The following E2F1 variants were observed in gnomAD, a reference collection of about 807,000 sequenced individuals.
The protein encoded by E2F1 is transcription factor E2F1.
A neutral mutation model predicts 36.9 loss-of-function variants in E2F1; 7 were observed. The observed-to-expected ratio is 0.19, with a 90% confidence interval of 0.11 to 0.36. E2F1 has a LOEUF of 0.36. Among genes scored for constraint, E2F1 ranks in the 10% least tolerant of loss-of-function variants. E2F1 has a pLI of 1.00. For missense variants in E2F1, 406 were observed against 573.6 expected, an observed-to-expected ratio of 0.71 and a Z score of 2.99; for synonymous variants, 261 against 263.1, an observed-to-expected ratio of 0.99 and a Z score of 0.08.
At chr20:33,681,188 C>A (rs1173417332) in intron 1 of E2F1, among the ~76,000 whole-genome samples, 5 of 152,040 alleles carry the variant, frequency 3.3e-5, no homozygotes, top group Non-Finnish European at 2.9e-5. Flanking sequence ...ACAGGCGCAT[C>A]CCTCCAAGAC....
At chr20:33,680,184 A>G in intron 2 of E2F1, 142 bp downstream of exon 2, 1 of 980,626 alleles carries the variant, frequency 1.0e-6, no homozygotes, top group Non-Finnish European at 1.5e-6. Flanking sequence ...CCAGGTGGCC[A>G]CTCCAACTGC....
intron 1 of E2F1, among the ~76,000 whole-genome samples, chr20:33,684,667 A>G (rs895890473): frequency 1.3e-5 from 2 of 152,248 alleles, no homozygotes; most frequent in African/African-American, 4.8e-5. Context: ...AGCCTGGCAC[A>G]CAAGACATCC....
rs1411810755 is a variant in E2F1 at position 33,678,261 on chromosome 20, T to C, written c.665A>G (p.His222Arg). The change falls in exon 4 of 7, where the codon CAC (histidine) becomes CGC (arginine). Residue 222 changes from histidine to arginine, a missense_variant. Around this residue, in one of 5 missense-constraint regions of E2F1, gnomAD observed 93 missense variants for 143.3 expected, o/e 0.65. Transcript: ENST00000343380. ...CTGCGTAGTACAGATATTCATCAGG[T>C]GGTCCAGCTGCTGCTCGCTCTCCTG... ...QLQESEQQLD[H>R]LMNICTTQLR... 6.2e-7 allele frequency: 1 copy of C among 1,613,588 alleles called. No homozygotes were observed. Among genetic ancestry groups the C allele is most frequent in the African/African-American group, 1.3e-5 (1 of 75,046 alleles).
At chr20:33,682,446 G>C (rs189974978) in intron 1 of E2F1, among the ~76,000 whole-genome samples, 169 of 152,284 alleles carry the variant, frequency 1.1e-3, no homozygotes, top group African/African-American at 4.0e-3. Flanking sequence ...GGCTGGTACA[G>C]AGCCCACACT....
In E2F1 at chr20:33,676,673, C is replaced by T; in HGVS notation, c.*59G>A. Reference sequence around the variant, plus strand: ...TGGGAGGACGGCCAGGGACAGGGGGCTCCAGGGCTGCAGAGACAAGGTGAG... The same window carrying T: ...TGGGAGGACGGCCAGGGACAGGGGGTTCCAGGGCTGCAGAGACAAGGTGAG... On this transcript the variant is annotated 3_prime_UTR_variant, in exon 7 of 7. Coordinates refer to ENST00000343380, the MANE Select transcript of E2F1 (RefSeq NM_005225.3). The T allele has an allele frequency of 1.3e-6, 2 of 1,531,028 alleles. No homozygotes were observed. Among genetic ancestry groups the T allele is most frequent in the Non-Finnish European group, 1.8e-6 (2 of 1,137,162 alleles). The allele number at this position is 1,531,028 out of a possible 1,614,324, so 94.8% of individuals were successfully genotyped here.
rs1285771993 is a variant in E2F1 at position 33,676,161 on chromosome 20, GATAA to G, written c.*567_*570del. 2.0e-5 allele frequency: 3 copies of G among 152,810 alleles called. No individual in the cohort carries two copies. The highest frequency in any genetic ancestry group is 4.4e-5 in the Non-Finnish European group (3 of 68,180). 9.5% of individuals were successfully genotyped at this position (152,810 alleles called of 1,614,324 possible). ...TCCCCAGGCTCACCAAAGAGGCCTC[GATAA>G]ATAAATAACGCTCCATTAAAGCTTC... On this transcript the variant is annotated 3_prime_UTR_variant, in exon 7 of 7. Coordinates refer to ENST00000343380, the MANE Select transcript of E2F1 (RefSeq NM_005225.3).
chr20:33,677,166 T>A lies in E2F1; in HGVS notation c.1005A>T (p.Pro335=). The A allele has an allele frequency of 6.2e-7, 1 of 1,613,940 alleles. No individual in the cohort carries two copies. The highest frequency in any genetic ancestry group is 8.5e-7 in the Non-Finnish European group (1 of 1,179,982). The change falls in exon 6 of 7, where the codon CCA becomes CCT. Residue 335 remains proline, a synonymous_variant. Transcript: ENST00000343380. ...TDSATIVSPP[P]SSPPSSLTTD... is the part of the protein sequence containing the mutation. The stretch of plus-strand genomic sequence containing the variant: ...TGGTGAGGGATGAGGGGGGAGATGA[T>A]GGTGGTGGTGACACTATGGTGGCAG...
At chr20:33,685,971 G>A in intron 1 of E2F1, 33 bp downstream of exon 1, 2 of 1,123,580 alleles carry the variant, frequency 1.8e-6, no homozygotes, top group Admixed American at 5.0e-5. Flanking sequence ...GGCACAGGCG[G>A]CGCTGTCGGC....
chr20:33,676,140 C>G lies in E2F1; in HGVS notation c.*592G>C, dbSNP rs2017949966. ...CCCCTCCTCCCCTTTGCTGATTCCC[C>G]AGGCTCACCAAAGAGGCCTCGATAA... is the stretch of plus-strand genomic sequence containing the variant. On this transcript the variant is annotated 3_prime_UTR_variant, in exon 7 of 7. Coordinates refer to ENST00000343380, the MANE Select transcript of E2F1 (RefSeq NM_005225.3). The G allele has an allele frequency of 6.5e-6, 1 of 152,806 alleles. No homozygotes were observed. Among genetic ancestry groups the G allele is most frequent in the Admixed American group, 6.5e-5 (1 of 15,288 alleles). The allele number at this position is 152,806 out of a possible 1,614,324, so 9.5% of individuals were successfully genotyped here. A position where few individuals can be genotyped will look rare whatever the true frequency, so the allele number is the denominator to read the frequency against.
intron 1 of E2F1, among the ~76,000 whole-genome samples, chr20:33,682,893 C>G (rs1023840248): frequency 5.3e-5 from 8 of 152,140 alleles, no homozygotes; most frequent in Non-Finnish European, 1.0e-4. Flanking sequence ...TTTATATGAT[C>G]CCTTTTGGAT....
intron 3 of E2F1, 100 bp from the exon 4 acceptor site, chr20:33,678,453 T>C: frequency 6.9e-7 from 1 of 1,450,836 alleles, no homozygotes; most frequent in Non-Finnish European, 9.3e-7. Context: ...CTCTGTTCTG[T>C]GAGGCCTAGG....
Position 33,679,014 on chromosome 20 carries a change from G to T in E2F1, c.573-661C>A, listed in dbSNP as rs1568908935. ...GATCTACCAAAAAATGAAACGGCAG[G>T]TGTATCAAAGAAAGGGTAGTAGCAT... On this transcript the variant is annotated intron_variant, in intron 3 of 6. Transcript: ENST00000343380. This position sits in a 1 kb window ranked among gnomAD's most constrained non-coding sequence, Gnocchi z 4.6. 6.6e-6 allele frequency among the ~76,000 whole-genome samples: 1 copy of T among 152,206 alleles called. No homozygotes were observed. The highest frequency in any genetic ancestry group is 1.5e-5 in the Non-Finnish European group (1 of 68,046).
chr20:33,678,316 C>G lies in E2F1; in HGVS notation c.610G>C (p.Glu204Gln). The stretch of plus-strand genomic sequence containing the variant: ...TGTCGGAGGTCCTGGGTCAACCCCT[C>G]AAGCCGTCCGCCGACGCCCACTGTG... ...HTTVGVGGRLEGLTQDLRQLQ... is the reference protein window; with the variant it reads ...HTTVGVGGRLQGLTQDLRQLQ... Residue 204 changes from glutamate (E) to glutamine (Q), a missense_variant, in exon 4 of 7, where the codon GAG (glutamate) becomes CAG (glutamine). Physicochemically the swap from Glu to Gln is conservative, Grantham distance 29 (BLOSUM62 2). Coordinates refer to ENST00000343380, the MANE Select transcript of E2F1 (RefSeq NM_005225.3). The G allele has an allele frequency of 6.2e-7, 1 of 1,612,678 alleles. No individual in the cohort carries two copies. Among genetic ancestry groups the G allele is most frequent in the Non-Finnish European group, 8.5e-7 (1 of 1,180,012 alleles).
intron 1 of E2F1, among the ~76,000 whole-genome samples, chr20:33,682,702 G>A (rs986530666): frequency 6.6e-6 from 1 of 152,174 alleles, no homozygotes; most frequent in South Asian, 2.1e-4. Context: ...CGAAACGCAG[G>A]GGTGAAGACA....
At chr20:33,680,026 T>G (rs989859138) in intron 2 of E2F1, 52 bp from the exon 3 acceptor site, 1 of 1,420,740 alleles carries the variant, frequency 7.0e-7, no homozygotes, top group Admixed American at 2.0e-5. Flanking sequence ...CACCCCCACC[T>G]CCAGCCAGGC....
chr20:33,684,023 A>G (rs1036713542), intron 1 of E2F1, among the ~76,000 whole-genome samples: 42 of 152,320 alleles, frequency 2.8e-4, no homozygotes, highest in African/African-American at 1.0e-3. Flanking sequence ...CTTCAGTTCC[A>G]GAATGGTGCC....
rs1233367758 is a variant in E2F1 at position 33,679,488 on chromosome 20, G to A, written c.572+267C>T. 6.6e-6 allele frequency among the ~76,000 whole-genome samples: 1 copy of A among 152,224 alleles called. No individual in the cohort carries two copies. Among genetic ancestry groups the A allele is most frequent in the Non-Finnish European group, 1.5e-5 (1 of 68,046 alleles). On this transcript the variant is annotated intron_variant, in intron 3 of 6. Transcript: ENST00000343380. This position sits in a 1 kb window ranked among gnomAD's most constrained non-coding sequence, Gnocchi z 4.6. ...GAACCTGGGAGGTAGAGGTTACAGT[G>A]AGCTGAGATTACACCACTGCACTCC...
At chr20:33,677,070 C>T (rs1295732801) in intron 6 of E2F1, 35 bp downstream of exon 6, 14 of 1,563,836 alleles carry the variant, frequency 9.0e-6, no homozygotes, top group Admixed American at 1.8e-5. Flanking sequence ...AGAAGAGGGG[C>T]CCTGCCCCAC....
intron 1 of E2F1, 38 bp from the exon 2 acceptor site, chr20:33,680,454 T>C (rs368107254): frequency 1.1e-4 from 180 of 1,598,274 alleles, no homozygotes; most frequent in Middle Eastern, 1.7e-4. Flanking sequence ...TAACCAGGAG[T>C]GAGGCCAGAA....
Sources: allele counts gnomAD v4.1 joint callset (sites outside exome capture counted in the v4.1 genomes callset), GRCh38; gene constraint gnomAD v4.1.1; regional missense constraint gnomAD v4.1.1; non-coding constraint Gnocchi (gnomAD v3.1); transcripts MANE v1.5; gene names NCBI Gene and HGNC (gene_info 2026-07-23, HGNC 2026-07-21).